Variants in PLCXD3 observed in about 807,000 individuals in gnomAD.
PLCXD3 encodes phosphatidylinositol specific phospholipase C X domain containing 3.
Under a neutral mutation model 25.5 loss-of-function variants are expected in PLCXD3, and 19 were observed. The ratio of observed to expected loss-of-function variants is 0.75; its 90% CI spans 0.52 to 1.09. PLCXD3 has a LOEUF of 1.09. PLCXD3 is among the 50% of genes least tolerant of loss of function. PLCXD3 has a pLI of 0.00. For synonymous variants in PLCXD3, 174 were observed against 137.6 expected, an observed-to-expected ratio of 1.26 and a Z score of -1.85; for missense variants, 411 against 388.1, an observed-to-expected ratio of 1.06 and a Z score of -0.50.
At chr5:41,315,390 G>A (rs1743260711) in intron 2 of PLCXD3, among the ~76,000 whole-genome samples, 2 of 151,648 alleles carry the variant, frequency 1.3e-5, no homozygotes, top group Admixed American at 1.3e-4. Flanking sequence ...AAAAAGGTAA[G>A]GTAGTTTTGA....
rs150138236 is a variant in PLCXD3 at position 41,383,819 on chromosome 5, A to G, written c.104-1285T>C. Reference sequence around the variant, plus strand: ...ACAGAAACCTTAAGTTTATCCATACAACACTTCAAAGCCTTGGTCTTATAA... The same window carrying G: ...ACAGAAACCTTAAGTTTATCCATACGACACTTCAAAGCCTTGGTCTTATAA... On this transcript the variant is annotated intron_variant, in intron 1 of 2. Coordinates refer to ENST00000377801, the MANE Select transcript of PLCXD3 (RefSeq NM_001005473.3). Among the ~76,000 whole-genome samples, 226 of 149,846 alleles carry G rather than the reference A, an allele frequency of 1.5e-3. 7 individuals are homozygous for G. In the East Asian group the frequency reaches 0.04, roughly 26 times the overall value.
At chr5:41,351,543 A>T (rs545518745) in intron 2 of PLCXD3, among the ~76,000 whole-genome samples, 1 of 152,312 alleles carries the variant, frequency 6.6e-6, no homozygotes, top group Admixed American at 6.5e-5. Context: ...CTAGTAGAAA[A>T]AAACCGCTGA....
chr5:41,406,498 C>G (rs1348742339), intron 1 of PLCXD3, among the ~76,000 whole-genome samples: 1 of 152,140 alleles, frequency 6.6e-6, no homozygotes, highest in Non-Finnish European at 1.5e-5. Context: ...CATCATCCTT[C>G]TATCTCATCC....
intron 2 of PLCXD3, among the ~76,000 whole-genome samples, chr5:41,357,579 C>A (rs984659029): frequency 1.3e-5 from 2 of 152,182 alleles, no homozygotes; most frequent in African/African-American, 4.8e-5. Flanking sequence ...GCTGACCAGG[C>A]AGTCAACCAG....
chr5:41,417,078 G>C (rs753255912), intron 1 of PLCXD3, among the ~76,000 whole-genome samples: 1 of 152,126 alleles, frequency 6.6e-6, no homozygotes, highest in African/African-American at 2.4e-5. Context: ...ACACTAACAT[G>C]TCTATTATTC....
At chr5:41,398,522 C>G (rs1460375403) in intron 1 of PLCXD3, among the ~76,000 whole-genome samples, 1 of 152,092 alleles carries the variant, frequency 6.6e-6, no homozygotes, top group Non-Finnish European at 1.5e-5. Context: ...TGAGAAAAGA[C>G]TAACATAATG....
chr5:41,353,032 C>G lies in PLCXD3; in HGVS notation c.812+28794G>C, dbSNP rs191153191. On this transcript the variant is annotated intron_variant, in intron 2 of 2. Transcript: ENST00000377801. ...AGAGGTTTGAATAATCCTCATGGCA[C>G]AGTGAACTTTTGGTTTAACTACTGG... Among the ~76,000 whole-genome samples the G allele has an allele frequency of 2.4e-3, 371 of 151,666 alleles. 2 individuals carry two copies. Among genetic ancestry groups the G allele is most frequent in the African/African-American group, 8.0e-3 (329 of 41,346 alleles).
intron 1 of PLCXD3, among the ~76,000 whole-genome samples, chr5:41,416,910 A>C (rs1048450758): frequency 6.6e-6 from 1 of 152,160 alleles, no homozygotes; most frequent in Non-Finnish European, 1.5e-5. Flanking sequence ...GCAACCAGGA[A>C]TGAGATACCA....
chr5:41,409,430 TG>T (rs765454082), intron 1 of PLCXD3, among the ~76,000 whole-genome samples: 1 of 152,176 alleles, frequency 6.6e-6, no homozygotes, highest in Non-Finnish European at 1.5e-5. Context: ...TGCCCCTCAT[TG>T]TGTGCATGGC....
intron 2 of PLCXD3, among the ~76,000 whole-genome samples, chr5:41,371,624 G>A (rs1328105376): frequency 1.3e-5 from 2 of 152,162 alleles, no homozygotes; most frequent in African/African-American, 4.8e-5. Flanking sequence ...TTACTGGGAT[G>A]TCTCATGTAT....
intron 2 of PLCXD3, among the ~76,000 whole-genome samples, chr5:41,333,653 C>T (rs997645098): frequency 5.3e-5 from 8 of 152,122 alleles, no homozygotes; most frequent in African/African-American, 1.2e-4. Flanking sequence ...CCTAAAATTA[C>T]ACTCAGAGAA....
intron 1 of PLCXD3, among the ~76,000 whole-genome samples, chr5:41,499,508 T>C (rs1748910585): frequency 6.6e-6 from 1 of 151,722 alleles, no homozygotes; most frequent in South Asian, 2.1e-4. Flanking sequence ...CGCAAACAAA[T>C]GAAAAGTCAT....
intron 2 of PLCXD3, among the ~76,000 whole-genome samples, chr5:41,329,033 C>A (rs576775671): frequency 1.3e-5 from 2 of 152,332 alleles, no homozygotes; most frequent in Admixed American, 1.3e-4. Flanking sequence ...TCTTGTCATT[C>A]TTCCCATCAG....
chr5:41,493,905 T>G (rs1188897099), intron 1 of PLCXD3, among the ~76,000 whole-genome samples: 1 of 152,166 alleles, frequency 6.6e-6, no homozygotes, highest in Non-Finnish European at 1.5e-5. Flanking sequence ...AGACAATGCC[T>G]CGCCCTGCTT....
At chr5:41,320,300 C>G (rs990519845) in intron 2 of PLCXD3, among the ~76,000 whole-genome samples, 1 of 151,758 alleles carries the variant, frequency 6.6e-6, no homozygotes, top group Non-Finnish European at 1.5e-5. Flanking sequence ...AAAGACACAC[C>G]TAAAAACAAA....
chr5:41,442,221 T>C (rs572021346), intron 1 of PLCXD3, among the ~76,000 whole-genome samples: 7 of 152,308 alleles, frequency 4.6e-5, no homozygotes, highest in South Asian at 2.1e-4. Flanking sequence ...TATGTAACAA[T>C]GAATAAACAA....
chr5:41,358,203 G>C (rs1369603535), intron 2 of PLCXD3, among the ~76,000 whole-genome samples: 1 of 152,214 alleles, frequency 6.6e-6, no homozygotes, highest in Non-Finnish European at 1.5e-5. Flanking sequence ...CTGAGGTTCA[G>C]AGGGTTTATG....
chr5:41,321,083 T>C (rs1319173336), intron 2 of PLCXD3, among the ~76,000 whole-genome samples: 2 of 152,168 alleles, frequency 1.3e-5, no homozygotes, highest in African/African-American at 4.8e-5. Context: ...AAAATAGTAC[T>C]GGAATTTCTA....
chr5:41,408,685 C>T (rs1485415025), intron 1 of PLCXD3, among the ~76,000 whole-genome samples: 3 of 152,038 alleles, frequency 2.0e-5, no homozygotes, highest in African/African-American at 7.2e-5. Flanking sequence ...GAAGTCAATC[C>T]GCACATCTTT....
Sources: gnomAD v4.1 joint callset for allele counts (sites outside exome capture counted in the v4.1 genomes callset) on GRCh38, gnomAD v4.1.1 for gene constraint, MANE v1.5 for transcripts, NCBI Gene and HGNC (gene_info 2026-07-23, HGNC 2026-07-21) for gene names.